Variants in DPP6 observed in about 807,000 individuals in gnomAD.
The protein encoded by DPP6 is A-type potassium channel modulatory protein DPP6.
DPP6 carries 69 observed loss-of-function variants against 122.6 expected under a neutral mutation model. The ratio of observed to expected loss-of-function variants is 0.56; its 90% confidence interval spans 0.46 to 0.69. DPP6 has a LOEUF of 0.69. DPP6 is among the 30% of genes least tolerant of loss of function. The pLI is 0.00. For missense variants in DPP6, 928 were observed against 1,116.9 expected (o/e 0.83, Z 2.41); for synonymous variants, 418 against 433.1 (o/e 0.97, Z 0.43).
chr7:153,802,341 G>T, the DPP6 span, among the ~76,000 whole-genome samples: 2 of 152,302 alleles, frequency 1.3e-5, no homozygotes, highest in South Asian at 4.2e-4. Flanking sequence ...TACTGGTGGG[G>T]AATTCTCCCT....
chr7:153,975,899 G>A (rs557068685), intron 1 of DPP6, among the ~76,000 whole-genome samples: 1 of 152,338 alleles, frequency 6.6e-6, no homozygotes, highest in Admixed American at 6.5e-5. Context: ...GTCTTTCCAT[G>A]TGTAGGATGG....
At position 154,180,389 on chromosome 7, in the gene DPP6, A is replaced by G. The variant is rs188185149; in HGVS notation, c.243+127326A>G. Among the ~76,000 whole-genome samples the G allele has an allele frequency of 1.4e-3, 199 of 146,188 alleles. 3 individuals are homozygous for G. The East Asian group carries it at 0.036, about 26-fold the overall frequency. On this transcript the variant is annotated intron_variant, in intron 1 of 25. Transcript: ENST00000377770. ...TCTCTCTCAAAATATATATATAAATATATATATATGTATAAATATATATAT... is the reference window on the plus strand; with the variant it reads ...TCTCTCTCAAAATATATATATAAATGTATATATATGTATAAATATATATAT...
chr7:153,834,137 C>T, the DPP6 span, among the ~76,000 whole-genome samples: 27 of 152,066 alleles, frequency 1.8e-4, no homozygotes, highest in East Asian at 5.0e-3. Flanking sequence ...AAACACAAAA[C>T]TTAGCCGGGT....
intron 21 of DPP6, 108 bp from the exon 22 acceptor site, chr7:154,885,525 A>T (rs2150692525): frequency 7.1e-7 from 1 of 1,414,770 alleles, no homozygotes; most frequent in Non-Finnish European, 9.4e-7. Context: ...GTAAAAGGAG[A>T]GAACCTGCAT....
chr7:154,854,561 G>A (rs1362413123), intron 17 of DPP6, among the ~76,000 whole-genome samples: 1 of 152,194 alleles, frequency 6.6e-6, no homozygotes, highest in East Asian at 1.9e-4. Context: ...GATATCAGGG[G>A]TGGAGACCTC....
chr7:154,243,096 TG>T (rs1326631485), intron 1 of DPP6, among the ~76,000 whole-genome samples: 1 of 152,184 alleles, frequency 6.6e-6, no homozygotes, highest in Non-Finnish European at 1.5e-5. Context: ...ACATGAAGCC[TG>T]GTATGACCAA....
At chr7:154,299,578 C>T (rs1322399439) in intron 1 of DPP6, among the ~76,000 whole-genome samples, 1 of 152,182 alleles carries the variant, frequency 6.6e-6, no homozygotes, top group Non-Finnish European at 1.5e-5. Flanking sequence ...CCAGAAGAAT[C>T]GTACCCTGCT....
intron 2 of DPP6, among the ~76,000 whole-genome samples, chr7:154,454,177 G>A (rs1820629252): frequency 6.6e-6 from 1 of 152,192 alleles, no homozygotes; most frequent in Non-Finnish European, 1.5e-5. Context: ...GCTTGAGTGG[G>A]TTCTGGTATT....
chr7:154,830,220 A>G, intron 16 of DPP6, among the ~76,000 whole-genome samples: 1 of 151,892 alleles, frequency 6.6e-6, no homozygotes, highest in East Asian at 1.9e-4. Context: ...TTTTCTGATC[A>G]CCTGTTCGGT....
intron 1 of DPP6, among the ~76,000 whole-genome samples, chr7:154,239,992 TAAAAAAAAAAAA>T (rs763543397): frequency 4.0e-5 from 2 of 50,398 alleles, no homozygotes; most frequent in African/African-American, 1.2e-4. Context: ...ATGCTGTCTT[TAAAAAAAAAAAA>T]AAAAAAAAAA....
At chr7:154,439,016 G>T (rs1031905514) in intron 1 of DPP6, among the ~76,000 whole-genome samples, 2 of 152,190 alleles carry the variant, frequency 1.3e-5, no homozygotes, top group African/African-American at 4.8e-5. Flanking sequence ...TCTGTACCGT[G>T]CTGGAACATT....
At chr7:154,008,257 G>A (rs1272581707) in intron 1 of DPP6, among the ~76,000 whole-genome samples, 2 of 152,164 alleles carry the variant, frequency 1.3e-5, no homozygotes, top group East Asian at 3.9e-4. Context: ...GAGAACCCGT[G>A]GGCAGCTCTC....
intron 1 of DPP6, among the ~76,000 whole-genome samples, chr7:154,080,422 C>G (rs910175300): frequency 1.3e-5 from 2 of 152,170 alleles, no homozygotes; most frequent in African/African-American, 2.4e-5. Flanking sequence ...ATTTACTTCT[C>G]TTATGTAAGA....
chr7:154,117,845 A>G (rs1251527827), intron 1 of DPP6, among the ~76,000 whole-genome samples: 6 of 152,016 alleles, frequency 3.9e-5, no homozygotes, highest in Admixed American at 6.6e-5. Flanking sequence ...GGACTGTAGC[A>G]TGGCCAGAAG....
rs79036934 is a variant in DPP6, at chr7:154,553,175, G to A, written c.552+12549G>A. ...GCTTCAAGTCCAGGTGAATGTGATG[G>A]AGGTCTTAAATTAAGGCAGTGGCTT... On this transcript the variant is annotated intron_variant, in intron 4 of 25. Coordinates refer to ENST00000377770, the MANE Select transcript of DPP6 (RefSeq NM_130797.4). Among the ~76,000 whole-genome samples the A allele has an allele frequency of 6.0e-3, 909 of 152,318 alleles. 5 individuals carry two copies. Among genetic ancestry groups the A allele is most frequent in the African/African-American group, 0.02 (841 of 41,568 alleles).
intron 1 of DPP6, among the ~76,000 whole-genome samples, chr7:154,288,750 C>G (rs928908822): frequency 1.3e-5 from 2 of 152,056 alleles, no homozygotes; most frequent in Non-Finnish European, 2.9e-5. Flanking sequence ...AATAATCAGG[C>G]GCTGTTTTAA....
rs955111904 is a variant in DPP6 at position 154,433,149 on chromosome 7, T to G, written c.244-13065T>G. On this transcript the variant is annotated intron_variant, in intron 1 of 25. Coordinates refer to ENST00000377770, the MANE Select transcript of DPP6 (RefSeq NM_130797.4). ...ACTAGACTGCAAGTTTTTTTTTTTT[T>G]TTTTTTTTTTTTTTGAGACAGAGTC... 1.1e-4 allele frequency among the ~76,000 whole-genome samples: 14 copies of G among 130,938 alleles called. No homozygotes were observed. The South Asian group carries it at 1.4e-3, about 13-fold the overall frequency. The allele number at this position is 130,938 out of a possible 152,430, so 85.9% of individuals were successfully genotyped here.
intron 5 of DPP6, among the ~76,000 whole-genome samples, chr7:154,585,834 C>G (rs2130698931): frequency 6.6e-6 from 1 of 152,092 alleles, no homozygotes; most frequent in African/African-American, 2.4e-5. Context: ...TCACAATACT[C>G]AGGGCCGACT....
At chr7:154,737,226 C>T (rs1305629901) in intron 8 of DPP6, among the ~76,000 whole-genome samples, 1 of 152,190 alleles carries the variant, frequency 6.6e-6, no homozygotes. Flanking sequence ...ATGAAGAAAG[C>T]TCTAGGATTG....
Sources: allele counts gnomAD v4.1 joint callset (sites outside exome capture counted in the v4.1 genomes callset), GRCh38; gene constraint gnomAD v4.1.1; transcripts MANE v1.5; gene names NCBI Gene and HGNC (gene_info 2026-07-23, HGNC 2026-07-21).